SIK2: variants seen among roughly 807,000 people sequenced by gnomAD.
The protein encoded by SIK2 is salt inducible kinase 2, also known as serine/threonine-protein kinase SIK2.
SIK2 carries 29 observed loss-of-function variants against 103.2 expected under a neutral mutation model. The observed-to-expected ratio is 0.28, with a 90% CI of 0.21 to 0.38. SIK2 has a LOEUF of 0.38. Ranked by LOEUF, SIK2 falls within the 10% of genes least tolerant of loss-of-function variation. SIK2 has a pLI of 1.00. For synonymous variants in SIK2, 412 were observed against 446.1 expected, an observed-to-expected ratio of 0.92 and a Z score of 0.96; for missense variants, 879 against 1,171.0, an observed-to-expected ratio of 0.75 and a Z score of 3.64.
rs1281891479 is a variant in SIK2, at chr11:111,727,807, G to A, written c.*3678G>A. 4.6e-5 allele frequency: 7 copies of A among 152,344 alleles called. No homozygotes were observed. Among genetic ancestry groups the A allele is most frequent in the East Asian group, 1.9e-4 (1 of 5,194 alleles). The allele number at this position is 152,344 out of a possible 1,614,324, so 9.4% of individuals were successfully genotyped here. A position where few individuals can be genotyped will look rare whatever the true frequency, so the allele number is the denominator to read the frequency against. ...CCTGGAGTCACAGTTGGTCCCAGGC[G>A]TGTGGGCACTAAGCAGCCTCTGGAG... On this transcript the variant is annotated 3_prime_UTR_variant, in exon 15 of 15. Coordinates refer to ENST00000304987, the MANE Select transcript of SIK2 (RefSeq NM_015191.3).
chr11:111,606,794 C>T (rs952027395), intron 1 of SIK2, among the ~76,000 whole-genome samples: 6 of 151,648 alleles, frequency 4.0e-5, no homozygotes, highest in African/African-American at 9.7e-5. Flanking sequence ...CCAAATCTGT[C>T]GTGTTTATTA....
At chr11:111,720,409 T>C in intron 10 of SIK2, 69 bp from the exon 11 acceptor site, 1 of 1,454,382 alleles carries the variant, frequency 6.9e-7, no homozygotes. Context: ...AAGCTGGTTA[T>C]GCTTTGTACC....
In SIK2 at chr11:111,729,890, T is replaced by G. The variant is rs1431636529; in HGVS notation, c.*5761T>G. On this transcript the variant is annotated 3_prime_UTR_variant, in exon 15 of 15. Transcript: ENST00000304987. The stretch of plus-strand genomic sequence containing the variant: ...TTAACTGCAGAAGTTTAGGCTCACC[T>G]CAAAGATGTCTAGTTTTTCCAAGTT... 1.3e-5 allele frequency: 2 copies of G among 152,208 alleles called. No homozygotes were observed. Among genetic ancestry groups the G allele is most frequent in the African/African-American group, 4.8e-5 (2 of 41,448 alleles). The allele number at this position is 152,208 out of a possible 1,614,324, so 9.4% of individuals were successfully genotyped here.
chr11:111,687,384 A>G (rs1431973082), intron 3 of SIK2, among the ~76,000 whole-genome samples: 2 of 151,644 alleles, frequency 1.3e-5, no homozygotes, highest in African/African-American at 4.8e-5. Context: ...GCATGGTGGC[A>G]GGTACCTGCA....
intron 9 of SIK2, among the ~76,000 whole-genome samples, chr11:111,713,098 G>A (rs759439583): frequency 3.3e-5 from 5 of 152,204 alleles, no homozygotes; most frequent in Admixed American, 6.5e-5. Context: ...CCAGGGGGCC[G>A]AGGTGGCAGT....
intron 3 of SIK2, chr11:111,671,812 G>A (rs1012242793): frequency 2.2e-5 from 9 of 404,780 alleles, no homozygotes; most frequent in Admixed American, 6.1e-5. Context: ...AGACAAATTC[G>A]TTTTCCTTCT....
At chr11:111,711,273 C>A (rs1367566235) in intron 8 of SIK2, among the ~76,000 whole-genome samples, 1 of 152,068 alleles carries the variant, frequency 6.6e-6, no homozygotes, top group African/African-American at 2.4e-5. Context: ...CACCCGCCAC[C>A]ACACCCAGCT....
Position 111,653,845 on chromosome 11 carries a change from A to G in SIK2, c.316+33443A>G, listed in dbSNP as rs558578994. On this transcript the variant is annotated intron_variant, in intron 3 of 14. Coordinates refer to ENST00000304987, the MANE Select transcript of SIK2 (RefSeq NM_015191.3). The stretch of plus-strand genomic sequence containing the variant: ...GTAAATTAGCTTTTTCCCTTCTCAG[A>G]TCTGTCTTCCTTTCCCTTCCATGTT... Among the ~76,000 whole-genome samples the G allele has an allele frequency of 3.3e-5, 5 of 152,184 alleles. 1 individual carries two copies. In the South Asian group the frequency reaches 6.2e-4, roughly 19 times the overall value.
chr11:111,715,888 G>A (rs1208803080), intron 9 of SIK2, among the ~76,000 whole-genome samples: 6 of 122,428 alleles, frequency 4.9e-5, no homozygotes, highest in South Asian at 2.9e-4. Flanking sequence ...TGCAACCTCC[G>A]CCCCCCGGGT....
intron 3 of SIK2, among the ~76,000 whole-genome samples, chr11:111,664,228 T>C (rs367555311): frequency 6.6e-6 from 1 of 152,212 alleles, no homozygotes; most frequent in Non-Finnish European, 1.5e-5. Flanking sequence ...TTTCAGAGTT[T>C]TGGGGGGCAA....
intron 3 of SIK2, among the ~76,000 whole-genome samples, chr11:111,682,716 T>C: frequency 6.6e-6 from 1 of 152,238 alleles, no homozygotes; most frequent in South Asian, 2.1e-4. Context: ...ATTTTATGTA[T>C]GTACAAAACT....
Position 111,720,986 on chromosome 11 carries a change from A to C in SIK2, c.1868A>C (p.Gln623Pro). 6.2e-7 allele frequency: 1 copy of C among 1,614,210 alleles called. No homozygotes were observed. The change falls in exon 12 of 15, where the codon CAA becomes CCA. Residue 623 changes from glutamine to proline, a missense_variant. By Grantham distance (76) the Gln-to-Pro change is moderately conservative. Transcript: ENST00000304987. The part of the protein sequence containing the change: ...ELNKVQLLYE[Q>P]IGPEADPNLA... ...AACAAAGTGCAGTTGTTGTATGAACAAATAGGACCGGAGGCAGACCCTAAC... is the reference window on the plus strand; with the variant it reads ...AACAAAGTGCAGTTGTTGTATGAACCAATAGGACCGGAGGCAGACCCTAAC...
At chr11:111,671,189 TC>T in intron 3 of SIK2, 1 of 258,116 alleles carries the variant, frequency 3.9e-6, no homozygotes. Context: ...ATATTCTGCA[TC>T]CCAGACTCCA....
Position 111,723,749 on chromosome 11 carries a change from C to G in SIK2, c.2401C>G (p.Pro801Ala). 6.2e-7 allele frequency: 1 copy of G among 1,614,120 alleles called. No individual in the cohort carries two copies. The change falls in exon 15 of 15, where the codon CCC becomes GCC. Residue 801 changes from proline (P) to alanine (A), a missense_variant. By Grantham distance (27) the Pro-to-Ala change is conservative (BLOSUM62 -1). Transcript: ENST00000304987. Reference sequence around the variant, plus strand: ...CCAGTACCAAGAGATGCAGCTTCAGCCCCTGCCCTCCACTTCCGGTCCCCG... The same window carrying G: ...CCAGTACCAAGAGATGCAGCTTCAGGCCCTGCCCTCCACTTCCGGTCCCCG... The part of the protein sequence containing the change: ...LSQYQEMQLQ[P>A]LPSTSGPRAA...
At chr11:111,627,476 CA>C (rs1941975810) in intron 3 of SIK2, among the ~76,000 whole-genome samples, 1 of 151,922 alleles carries the variant, frequency 6.6e-6, no homozygotes, top group Non-Finnish European at 1.5e-5. Context: ...TATGTTTATC[CA>C]GGAGAAAACA....
At position 111,657,539 on chromosome 11, in the gene SIK2, G is replaced by C. The variant is rs138429572; in HGVS notation, c.317-30462G>C. On this transcript the variant is annotated intron_variant, in intron 3 of 14. Coordinates refer to ENST00000304987, the MANE Select transcript of SIK2 (RefSeq NM_015191.3). ...AGAGTAGCTGGGACTACAGACACAT[G>C]CCACCATGCCTGGCTAATTTTTTTA... Among the ~76,000 whole-genome samples the C allele has an allele frequency of 2.0e-3, 301 of 152,204 alleles. 3 individuals are homozygous for C. The highest frequency in any genetic ancestry group is 7.0e-3 in the African/African-American group (289 of 41,528).
At chr11:111,661,596 T>A (rs191327353) in intron 3 of SIK2, among the ~76,000 whole-genome samples, 39 of 152,338 alleles carry the variant, frequency 2.6e-4, no homozygotes, top group African/African-American at 9.1e-4. Flanking sequence ...ATTAAAAGAC[T>A]GAGACTGTGT....
At chr11:111,664,410 G>A (rs1282613531) in intron 3 of SIK2, among the ~76,000 whole-genome samples, 3 of 152,240 alleles carry the variant, frequency 2.0e-5, no homozygotes, top group Middle Eastern at 3.4e-3. Flanking sequence ...GAGGTCAGGA[G>A]TTGGTGACCA....
At chr11:111,635,983 C>G (rs546153844) in intron 3 of SIK2, among the ~76,000 whole-genome samples, 3 of 152,148 alleles carry the variant, frequency 2.0e-5, no homozygotes, top group Non-Finnish European at 4.4e-5. Flanking sequence ...TTCATTTGTT[C>G]CCTAGTTTTC....
Sources: allele counts gnomAD v4.1 joint callset (sites outside exome capture counted in the v4.1 genomes callset), GRCh38; gene constraint gnomAD v4.1.1; transcripts MANE v1.5; gene names NCBI Gene and HGNC (gene_info 2026-07-23, HGNC 2026-07-21).